Variants in DTNA observed in about 807,000 individuals in gnomAD.
DTNA encodes dystrobrevin alpha, also known as dystrophin-related protein 3.
DTNA carries 43 observed loss-of-function variants against 100.7 expected under a neutral mutation model. The observed-to-expected ratio is 0.43, with a 90% CI of 0.33 to 0.55. DTNA has a LOEUF of 0.55. Ranked by LOEUF, DTNA falls within the 20% of genes least tolerant of loss-of-function variation. DTNA has a pLI of 0.04. For missense variants in DTNA, 798 were observed against 953.9 expected, an observed-to-expected ratio of 0.84 and a Z score of 2.15; for synonymous variants, 349 against 347.9, an observed-to-expected ratio of 1.00 and a Z score of -0.04.
At chr18:34,510,083 G>GTGTGTGTA (rs2040889973) in intron 1 of DTNA, among the ~76,000 whole-genome samples, 1 of 150,368 alleles carries the variant, frequency 6.7e-6, no homozygotes, top group Admixed American at 6.7e-5. Context: ...GTGTGTGTGT[G>GTGTGTGTA]TGTGTGTGTG....
chr18:34,684,361 A>G (rs1281308012), intron 1 of DTNA, among the ~76,000 whole-genome samples: 1 of 151,934 alleles, frequency 6.6e-6, no homozygotes, highest in Non-Finnish European at 1.5e-5. Context: ...ATATGTTCTC[A>G]TTGTTCAACT....
At chr18:34,640,026 G>A (rs1286708922) in intron 1 of DTNA, among the ~76,000 whole-genome samples, 1 of 152,158 alleles carries the variant, frequency 6.6e-6, no homozygotes, top group Non-Finnish European at 1.5e-5. Context: ...ATCTTTTCAG[G>A]TATAAAAGAT....
At chr18:34,527,022 A>G (rs2042689306) in intron 1 of DTNA, among the ~76,000 whole-genome samples, 1 of 151,796 alleles carries the variant, frequency 6.6e-6, no homozygotes, top group South Asian at 2.1e-4. Context: ...TTTTCAGGCT[A>G]TTTTTCTCAG....
intron 1 of DTNA, among the ~76,000 whole-genome samples, chr18:34,536,477 A>G (rs1248168488): frequency 6.6e-6 from 1 of 152,006 alleles, no homozygotes; most frequent in Non-Finnish European, 1.5e-5. Flanking sequence ...GGGAAAAGTG[A>G]TAGCTCATTG....
chr18:34,711,786 T>C (rs2082952798), intron 1 of DTNA, among the ~76,000 whole-genome samples: 2 of 152,162 alleles, frequency 1.3e-5, no homozygotes, highest in South Asian at 2.1e-4. Context: ...AGCAAGGAAT[T>C]ATAATCATTA....
At chr18:34,512,036 A>G (rs1047599788) in intron 1 of DTNA, among the ~76,000 whole-genome samples, 1 of 151,848 alleles carries the variant, frequency 6.6e-6, no homozygotes, top group Non-Finnish European at 1.5e-5. Flanking sequence ...TGAATGCCCA[A>G]TCATTACTCT....
Position 34,848,291 on chromosome 18 carries a change from A to C in DTNA, c.1347-5A>C. 4.3e-6 allele frequency: 7 copies of C among 1,613,872 alleles called. No homozygotes were observed. The highest frequency in any genetic ancestry group is 5.9e-6 in the Non-Finnish European group (7 of 1,179,830). On this transcript the variant is annotated splice_region_variant and splice_polypyrimidine_tract_variant and intron_variant, in intron 13 of 22. Transcript: ENST00000444659. Reference sequence around the variant, plus strand: ...ACGGTCTCCTTCTTGCTTTGTTCTTAATAGCATGCTTGAGAGTTCAAACCG... The same window carrying C: ...ACGGTCTCCTTCTTGCTTTGTTCTTCATAGCATGCTTGAGAGTTCAAACCG...
chr18:34,776,049 A>C (rs1201599799), intron 3 of DTNA, among the ~76,000 whole-genome samples: 2 of 152,224 alleles, frequency 1.3e-5, no homozygotes, highest in African/African-American at 4.8e-5. Flanking sequence ...ACTTTGTATA[A>C]AATTCAAAGC....
At chr18:34,862,124 C>CAAA (rs1002538086) in intron 16 of DTNA, among the ~76,000 whole-genome samples, 11 of 56,244 alleles carry the variant, frequency 2.0e-4, no homozygotes, top group Admixed American at 5.4e-4. Context: ...CAGACAAGGT[C>CAAA]AAAAAAAAAA....
chr18:34,580,520 A>C (rs1697466560), intron 1 of DTNA, among the ~76,000 whole-genome samples: 1 of 152,150 alleles, frequency 6.6e-6, no homozygotes, highest in Non-Finnish European at 1.5e-5. Context: ...ATTAGATATG[A>C]ATGTAAGCTT....
chr18:34,867,682 G>C, intron 17 of DTNA: 1 of 986,886 alleles, frequency 1.0e-6, no homozygotes, highest in Non-Finnish European at 1.2e-6. Flanking sequence ...TTCCCTTGGG[G>C]ATACTTTCCA....
intron 1 of DTNA, among the ~76,000 whole-genome samples, chr18:34,651,172 A>G (rs566152560): frequency 3.8e-4 from 58 of 152,344 alleles, no homozygotes; most frequent in African/African-American, 1.4e-3. Flanking sequence ...AGCTGTGGCA[A>G]CTAGAATTAC....
At chr18:34,520,665 T>A (rs1000141721) in intron 1 of DTNA, among the ~76,000 whole-genome samples, 12 of 151,898 alleles carry the variant, frequency 7.9e-5, no homozygotes, top group African/African-American at 2.4e-4. Context: ...CAAAAAAAAA[T>A]AATAATAATA....
chr18:34,854,705 A>G (rs1385486654), intron 15 of DTNA, among the ~76,000 whole-genome samples: 1 of 152,186 alleles, frequency 6.6e-6, no homozygotes, highest in African/African-American at 2.4e-5. Flanking sequence ...TCTCTAAGAC[A>G]TATTATGATT....
intron 21 of DTNA, among the ~76,000 whole-genome samples, chr18:34,884,269 C>T (rs971371712): frequency 6.6e-6 from 1 of 152,050 alleles, no homozygotes; most frequent in Non-Finnish European, 1.5e-5. Context: ...TTAAGGGAGG[C>T]AGGCTTACAC....
chr18:34,598,820 C>T (rs950294309), intron 1 of DTNA, among the ~76,000 whole-genome samples: 6 of 151,944 alleles, frequency 3.9e-5, no homozygotes, highest in Non-Finnish European at 7.4e-5. Context: ...GAGCCGAGAT[C>T]GCGCCACTGC....
intron 11 of DTNA, among the ~76,000 whole-genome samples, chr18:34,835,505 G>A (rs1363579914): frequency 6.6e-6 from 1 of 152,116 alleles, no homozygotes; most frequent in Non-Finnish European, 1.5e-5. Flanking sequence ...AGGAAGAAAA[G>A]GAAGAGGAGA....
chr18:34,584,980 T>G (rs111289929), intron 1 of DTNA, among the ~76,000 whole-genome samples: 1 of 152,204 alleles, frequency 6.6e-6, no homozygotes, highest in Non-Finnish European at 1.5e-5. Flanking sequence ...AAGGTATTTC[T>G]AAACAATGAA....
At chr18:34,785,421 A>G (rs1823328286) in intron 3 of DTNA, among the ~76,000 whole-genome samples, 1 of 152,206 alleles carries the variant, frequency 6.6e-6, no homozygotes, top group Non-Finnish European at 1.5e-5. Context: ...TTATAATTCT[A>G]CCTGAATATG....
Sources: allele counts gnomAD v4.1 joint callset (sites outside exome capture counted in the v4.1 genomes callset), GRCh38; gene constraint gnomAD v4.1.1; transcripts MANE v1.5; gene names NCBI Gene and HGNC (gene_info 2026-07-23, HGNC 2026-07-21).